Variants in RARS2 observed in about 807,000 individuals in gnomAD.
The protein encoded by RARS2 is probable arginine--tRNA ligase, mitochondrial.
In RARS2, 67 loss-of-function variants were observed where a neutral mutation model predicts 88.5. The ratio of observed to expected loss-of-function variants is 0.76; its 90% CI spans 0.62 to 0.93. RARS2 has a LOEUF of 0.93. RARS2 is among the 40% of genes least tolerant of loss of function. RARS2 has a pLI of 0.00. For missense variants in RARS2, 664 were observed against 684.2 expected, an observed-to-expected ratio of 0.97 and a Z score of 0.33; for synonymous variants, 239 against 230.3, an observed-to-expected ratio of 1.04 and a Z score of -0.34.
At position 87,524,589 on chromosome 6, in the gene RARS2, C is replaced by T. The variant is rs1394944199; in HGVS notation, c.942G>A (p.Met314Ile). 8 of 1,613,446 alleles carry T rather than the reference C, an allele frequency of 5.0e-6. No homozygotes were observed. The highest frequency in any genetic ancestry group is 6.8e-6 in the Non-Finnish European group (8 of 1,179,472). The part of the protein sequence containing the change: ...NGDPSSICTV[M>I]RSDGTSLYAT... ...CATAGAGAGAAGTCCCATCACTTCG[C>T]ATTACAGTACAAATTGAGGAGGGGT... Residue 314 changes from methionine (M) to isoleucine (I), a missense_variant, in exon 11 of 20, where the codon ATG becomes ATA. By Grantham distance (10) the Met-to-Ile change is conservative. Coordinates refer to ENST00000369536, the MANE Select transcript of RARS2 (RefSeq NM_020320.5).
At chr6:87,561,054 ATTAT>A (rs1197657176) in intron 4 of RARS2, among the ~76,000 whole-genome samples, 1 of 152,244 alleles carries the variant, frequency 6.6e-6, no homozygotes, top group Non-Finnish European at 1.5e-5. Flanking sequence ...ACTTTTAATC[ATTAT>A]TTTAGAGTAT....
intron 17 of RARS2, among the ~76,000 whole-genome samples, chr6:87,517,312 T>C (rs921396485): frequency 2.0e-5 from 3 of 152,110 alleles, no homozygotes; most frequent in African/African-American, 7.2e-5. Context: ...ATGAAAAAAC[T>C]GTGTGTACAT....
intron 2 of RARS2, 107 bp from the exon 3 acceptor site, chr6:87,564,339 A>T (rs1767165010): frequency 2.4e-6 from 2 of 839,902 alleles, no homozygotes; most frequent in Admixed American, 2.0e-5. Context: ...CTTTACCAGA[A>T]GAAGGTGTTA....
At chr6:87,540,829 T>C (rs1020490024) in intron 8 of RARS2, among the ~76,000 whole-genome samples, 1 of 151,956 alleles carries the variant, frequency 6.6e-6, no homozygotes, top group Non-Finnish European at 1.5e-5. Flanking sequence ...CTAAATGAAA[T>C]AGAGTAGGCA....
At chr6:87,575,670 G>T (rs1178747729) in intron 1 of RARS2, among the ~76,000 whole-genome samples, 4 of 152,030 alleles carry the variant, frequency 2.6e-5, no homozygotes. Context: ...TGTGACCAAG[G>T]TGATGGGAGA....
chr6:87,551,556 G>A (rs1784335484), intron 5 of RARS2, among the ~76,000 whole-genome samples: 1 of 142,622 alleles, frequency 7.0e-6, no homozygotes, highest in Non-Finnish European at 1.5e-5. Flanking sequence ...CTTGAACCGG[G>A]GAGGCAGAGG....
chr6:87,579,044 ATATG>A (rs1772549895), intron 1 of RARS2, among the ~76,000 whole-genome samples: 1 of 150,714 alleles, frequency 6.6e-6, no homozygotes, highest in East Asian at 2.0e-4. Context: ...TCAGCACTCC[ATATG>A]TATTAATACC....
chr6:87,539,700 C>T (rs1485744777), intron 8 of RARS2, among the ~76,000 whole-genome samples: 4 of 152,174 alleles, frequency 2.6e-5, no homozygotes, highest in Non-Finnish European at 5.9e-5. Context: ...TTATAAATGA[C>T]CCTGTCTCCT....
intron 8 of RARS2, among the ~76,000 whole-genome samples, chr6:87,531,341 G>C (rs1292013027): frequency 3.9e-5 from 6 of 152,020 alleles, no homozygotes; most frequent in Non-Finnish European, 8.8e-5. Flanking sequence ...GACTAAACTG[G>C]CATTTCTTCT....
chr6:87,545,810 T>C lies in RARS2; in HGVS notation c.452-111A>G, dbSNP rs1782461418. ...AAGTAGAAAATTCTTTTCACTAAAT[T>C]TACCAACTCAATGTTTTTTACTAAA... On this transcript the variant is annotated intron_variant, in intron 6 of 19. Transcript: ENST00000369536. 6.3e-6 allele frequency: 8 copies of C among 1,276,296 alleles called. No homozygotes were observed. In the South Asian group the frequency reaches 1.1e-4, roughly 17 times the overall value. The allele number at this position is 1,276,296 out of a possible 1,614,324, so 79.1% of individuals were successfully genotyped here.
intron 2 of RARS2, among the ~76,000 whole-genome samples, chr6:87,569,302 T>C (rs561338078): frequency 6.6e-6 from 1 of 152,288 alleles, no homozygotes; most frequent in South Asian, 2.1e-4. Flanking sequence ...AACATAAGAA[T>C]ACACAATCTG....
chr6:87,557,421 A>C (rs994114413), intron 4 of RARS2, among the ~76,000 whole-genome samples: 1 of 152,196 alleles, frequency 6.6e-6, no homozygotes, highest in African/African-American at 2.4e-5. Context: ...TCTAAGTTGA[A>C]AGTCTACAAA....
chr6:87,564,686 T>C (rs776510483), intron 2 of RARS2: 1 of 248,522 alleles, frequency 4.0e-6, no homozygotes, highest in South Asian at 4.2e-5. Flanking sequence ...GTAAATAAAA[T>C]AAAATAAATA....
Position 87,550,133 on chromosome 6 carries a change from G to GT in RARS2, c.396-1488dup, listed in dbSNP as rs1783886365. On this transcript the variant is annotated intron_variant, in intron 5 of 19. Coordinates refer to ENST00000369536, the MANE Select transcript of RARS2 (RefSeq NM_020320.5). ...CTACACACGTATTTATTTAATCATT[G>GT]TTTAGAAAGAAAGTAAATGTCATCT... Among the ~76,000 whole-genome samples the GT allele has an allele frequency of 2.6e-5, 4 of 151,992 alleles. No individual in the cohort carries two copies. The South Asian group carries it at 8.3e-4, about 31-fold the overall frequency.
intron 9 of RARS2, among the ~76,000 whole-genome samples, chr6:87,530,296 T>C (rs976223437): frequency 3.3e-5 from 5 of 152,228 alleles, no homozygotes; most frequent in African/African-American, 9.6e-5. Context: ...GAAGACTCCA[T>C]ACCTGATCTC....
intron 1 of RARS2, among the ~76,000 whole-genome samples, chr6:87,569,845 A>C (rs1201854951): frequency 6.6e-6 from 1 of 152,080 alleles, no homozygotes; most frequent in Non-Finnish European, 1.5e-5. Context: ...TTTGACCATA[A>C]ATTAACAGAA....
intron 8 of RARS2, among the ~76,000 whole-genome samples, chr6:87,535,852 A>ATT (rs111712008): frequency 6.9e-6 from 1 of 145,102 alleles, no homozygotes; most frequent in Non-Finnish European, 1.5e-5. Context: ...AATTATTTGT[A>ATT]TTTTTTTTTT....
intron 1 of RARS2, among the ~76,000 whole-genome samples, chr6:87,579,890 C>A (rs1380362444): frequency 6.6e-6 from 1 of 151,840 alleles, no homozygotes. Context: ...GGATTACAGG[C>A]ACCCACTATG....
chr6:87,573,208 AGGGAAGCAG>A (rs1482150947), intron 1 of RARS2, among the ~76,000 whole-genome samples: 11 of 152,144 alleles, frequency 7.2e-5, no homozygotes, highest in Admixed American at 7.2e-4. Context: ...AGAAAGCGAA[AGGGAAGCAG>A]GCACATCTCA....
Sources: allele counts gnomAD v4.1 joint callset (sites outside exome capture counted in the v4.1 genomes callset), GRCh38; gene constraint gnomAD v4.1.1; transcripts MANE v1.5; gene names NCBI Gene and HGNC (gene_info 2026-07-23, HGNC 2026-07-21).